The following CADM2 variants were observed in gnomAD, a reference collection of about 807,000 sequenced individuals.
The protein encoded by CADM2 is immunoglobulin superfamily member 4D.
In CADM2, 12 loss-of-function variants were observed where a neutral mutation model predicts 49.8. That is an observed-to-expected ratio of 0.24 (90% CI 0.15 to 0.39). CADM2 has a LOEUF of 0.39. Ranked by LOEUF, CADM2 falls within the 10% of genes least tolerant of loss-of-function variation. CADM2 has a pLI of 1.00. For missense variants in CADM2, 378 were observed against 492.3 expected, an observed-to-expected ratio of 0.77 and a Z score of 2.20; for synonymous variants, 214 against 175.4, an observed-to-expected ratio of 1.22 and a Z score of -1.74.
chr3:85,641,371 A>T (rs572053845), intron 1 of CADM2, among the ~76,000 whole-genome samples: 1 of 152,370 alleles, frequency 6.6e-6, no homozygotes, highest in African/African-American at 2.4e-5. Context: ...TATAGTGAGA[A>T]AAATCTCACA....
chr3:85,951,738 C>T lies in CADM2; in HGVS notation c.792-9731C>T, dbSNP rs78161189. Among the ~76,000 whole-genome samples, 1,096 of 151,116 alleles carry T rather than the reference C, an allele frequency of 7.3e-3. 21 individuals are homozygous for T. The highest frequency in any genetic ancestry group is 0.022 in the African/African-American group (925 of 41,414). On this transcript the variant is annotated intron_variant, in intron 7 of 9. Transcript: ENST00000383699. ...TCCTTGCTCTTCATGTGCACACTTG[C>T]ATGATGACTTCAAGGACAGTATTTA...
At chr3:85,850,498 G>T (rs2075063877) in intron 3 of CADM2, among the ~76,000 whole-genome samples, 1 of 151,544 alleles carries the variant, frequency 6.6e-6, no homozygotes, top group Non-Finnish European at 1.5e-5. Flanking sequence ...ATAATTTTTT[G>T]TATTTTTTTT....
chr3:86,043,377 A>C (rs546971085), intron 8 of CADM2, among the ~76,000 whole-genome samples: 7 of 152,316 alleles, frequency 4.6e-5, no homozygotes, highest in South Asian at 2.1e-4. Context: ...GCAACTTCAG[A>C]AAAGTCTCAG....
intron 1 of CADM2, among the ~76,000 whole-genome samples, chr3:85,011,757 G>A (rs1012242062): frequency 6.6e-6 from 1 of 151,878 alleles, no homozygotes; most frequent in Non-Finnish European, 1.5e-5. Context: ...AGATATAGTG[G>A]AACATACCTG....
At chr3:86,028,210 A>T (rs986116824) in intron 8 of CADM2, among the ~76,000 whole-genome samples, 21 of 150,806 alleles carry the variant, frequency 1.4e-4, no homozygotes, top group African/African-American at 2.4e-4. Context: ...ATAAATAAAT[A>T]AAAAAAAGAA....
chr3:85,159,551 A>G (rs552580700), intron 1 of CADM2, among the ~76,000 whole-genome samples: 3 of 152,060 alleles, frequency 2.0e-5, no homozygotes, highest in Admixed American at 6.6e-5. Flanking sequence ...AAATGGAAAA[A>G]TTTTTCGTAG....
chr3:85,299,492 A>G (rs910254927), intron 1 of CADM2, among the ~76,000 whole-genome samples: 3 of 152,050 alleles, frequency 2.0e-5, no homozygotes, highest in African/African-American at 7.2e-5. Flanking sequence ...CATATTTTGG[A>G]CATAAGAAAA....
At chr3:85,488,584 T>G (rs1328408011) in intron 1 of CADM2, among the ~76,000 whole-genome samples, 1 of 152,124 alleles carries the variant, frequency 6.6e-6, no homozygotes, top group Non-Finnish European at 1.5e-5. Context: ...CAGGCTGGAG[T>G]GCAATGGTGC....
At chr3:85,058,485 C>T (rs1293118823) in intron 1 of CADM2, among the ~76,000 whole-genome samples, 1 of 151,890 alleles carries the variant, frequency 6.6e-6, no homozygotes, top group Non-Finnish European at 1.5e-5. Flanking sequence ...GCTCTTGTCG[C>T]CCAGGCTAGA....
At chr3:85,585,066 C>G (rs62250501) in intron 1 of CADM2, among the ~76,000 whole-genome samples, 81,240 of 151,768 alleles carry the variant, frequency 0.54, 24,825 homozygotes, top group East Asian at 0.93. Context: ...CAATTCATAC[C>G]TCTTAAATTG....
At chr3:85,648,035 C>G (rs750149042) in intron 1 of CADM2, among the ~76,000 whole-genome samples, 6 of 151,806 alleles carry the variant, frequency 4.0e-5, no homozygotes, top group Non-Finnish European at 8.9e-5. Flanking sequence ...TGAGTTACAT[C>G]TTGCCCATTA....
intron 3 of CADM2, among the ~76,000 whole-genome samples, chr3:85,822,712 T>A (rs1198477898): frequency 6.6e-6 from 1 of 152,176 alleles, no homozygotes; most frequent in Non-Finnish European, 1.5e-5. Context: ...AAAGTTATAG[T>A]TAAATACATT....
At position 85,247,652 on chromosome 3, in the gene CADM2, T is replaced by A. The variant is rs553989905; in HGVS notation, c.61+287984T>A. On this transcript the variant is annotated intron_variant, in intron 1 of 9. Transcript: ENST00000383699. Reference sequence around the variant, plus strand: ...CCCTAATTATTTAGGAGCTGCGAATTGACTTGGAATAGTATGAATTATGTT... The same window carrying A: ...CCCTAATTATTTAGGAGCTGCGAATAGACTTGGAATAGTATGAATTATGTT... Among the ~76,000 whole-genome samples, 4 of 152,290 alleles carry A rather than the reference T, an allele frequency of 2.6e-5. No individual in the cohort carries two copies. The East Asian group carries it at 7.7e-4, about 29-fold the overall frequency.
chr3:85,941,235 A>G (rs1721854343), intron 7 of CADM2, among the ~76,000 whole-genome samples: 2 of 152,090 alleles, frequency 1.3e-5, no homozygotes, highest in Non-Finnish European at 2.9e-5. Flanking sequence ...TATCTCAGCA[A>G]GTTTCCAACT....
chr3:85,165,773 A>G (rs1695941249), intron 1 of CADM2, among the ~76,000 whole-genome samples: 1 of 151,838 alleles, frequency 6.6e-6, no homozygotes, highest in South Asian at 2.1e-4. Flanking sequence ...TTTTTCTCAG[A>G]AAGTAAGTGA....
rs1721148633 is a variant in CADM2, at chr3:85,935,977, T to C, written c.791+120T>C. 1.3e-5 allele frequency: 7 copies of C among 539,650 alleles called. No individual in the cohort carries two copies. The East Asian group carries it at 1.7e-4, about 13-fold the overall frequency. The allele number at this position is 539,650 out of a possible 1,614,324, so 33.4% of individuals were successfully genotyped here. ...TTTTCTTGGTGGGCAAAGTGATCTC[T>C]AGAACAGAAAACCTCATGAACCATG... On this transcript the variant is annotated intron_variant, in intron 7 of 9. Transcript: ENST00000383699.
At chr3:85,471,279 T>C (rs2038753309) in intron 1 of CADM2, among the ~76,000 whole-genome samples, 1 of 152,104 alleles carries the variant, frequency 6.6e-6, no homozygotes, top group African/African-American at 2.4e-5. Context: ...CATCCATTGT[T>C]CCAGCTTCCA....
chr3:85,871,124 G>A (rs1459417521), intron 3 of CADM2, among the ~76,000 whole-genome samples: 1 of 152,068 alleles, frequency 6.6e-6, no homozygotes, highest in Non-Finnish European at 1.5e-5. Context: ...GGGATAAAAT[G>A]CTTGCAAACT....
chr3:85,843,009 T>A (rs1329294056), intron 3 of CADM2, among the ~76,000 whole-genome samples: 1 of 152,104 alleles, frequency 6.6e-6, no homozygotes, highest in Non-Finnish European at 1.5e-5. Context: ...TAATTGTAAT[T>A]ATATACTAGT....
Sources: allele counts gnomAD v4.1 joint callset (sites outside exome capture counted in the v4.1 genomes callset), GRCh38; gene constraint gnomAD v4.1.1; transcripts MANE v1.5; gene names NCBI Gene and HGNC (gene_info 2026-07-23, HGNC 2026-07-21).